Variants in NR6A1 observed in about 807,000 individuals in gnomAD.
The protein encoded by NR6A1 is retinoic acid receptor-related testis-associated receptor.
In NR6A1, 7 loss-of-function variants were observed where a neutral mutation model predicts 59.1. The ratio of observed to expected loss-of-function variants is 0.12; its 90% confidence interval spans 0.07 to 0.22. NR6A1 has a LOEUF of 0.22. Ranked by LOEUF, NR6A1 falls within the 10% of genes least tolerant of loss-of-function variation. The pLI is 1.00. For synonymous variants in NR6A1, 243 were observed against 236.1 expected, an observed-to-expected ratio of 1.03 and a Z score of -0.27; for missense variants, 468 against 611.6, an observed-to-expected ratio of 0.77 and a Z score of 2.48.
intron 7 of NR6A1, among the ~76,000 whole-genome samples, chr9:124,535,155 A>G (rs1833217734): frequency 2.0e-5 from 3 of 152,042 alleles, no homozygotes; most frequent in African/African-American, 7.2e-5. Context: ...TGCCTGGCAC[A>G]CTATAGGCAC....
chr9:124,636,111 T>C (rs548993248), intron 2 of NR6A1, among the ~76,000 whole-genome samples: 28 of 152,372 alleles, frequency 1.8e-4, no homozygotes, highest in African/African-American at 6.7e-4. Flanking sequence ...ACATATGACA[T>C]GGAGCATCTT....
At chr9:124,681,084 C>G (rs1046118136) in intron 2 of NR6A1, among the ~76,000 whole-genome samples, 4 of 152,134 alleles carry the variant, frequency 2.6e-5, no homozygotes, top group African/African-American at 7.2e-5. Context: ...TTAAAATATT[C>G]TGTGTGACAA....
chr9:124,748,684 C>T (rs753757605), intron 1 of NR6A1, among the ~76,000 whole-genome samples: 18 of 151,266 alleles, frequency 1.2e-4, no homozygotes, highest in Non-Finnish European at 2.4e-4. Context: ...CACGGTGAAA[C>T]CCCGTCTCTA....
intron 2 of NR6A1, among the ~76,000 whole-genome samples, chr9:124,570,561 C>G (rs1834409940): frequency 6.6e-6 from 1 of 152,202 alleles, no homozygotes; most frequent in African/African-American, 2.4e-5. Context: ...AGAAGACAGT[C>G]CTTAATTCCC....
At chr9:124,547,643 G>A (rs1833637089) in intron 3 of NR6A1, among the ~76,000 whole-genome samples, 1 of 152,022 alleles carries the variant, frequency 6.6e-6, no homozygotes, top group African/African-American at 2.4e-5. Flanking sequence ...TTGATATTAT[G>A]GTCTAAGAAG....
chr9:124,521,273 C>T lies in NR6A1; in HGVS notation c.*1432G>A. On this transcript the variant is annotated 3_prime_UTR_variant, in exon 10 of 10. Coordinates refer to ENST00000487099, the MANE Select transcript of NR6A1 (RefSeq NM_033334.4). ...GAACACGTCCTGGGATAAGGTGGGGCAGGTAGTGAGAGGTCAAGGAGTCCA... is the reference window on the plus strand; with the variant it reads ...GAACACGTCCTGGGATAAGGTGGGGTAGGTAGTGAGAGGTCAAGGAGTCCA... 1 of 152,780 alleles carries T rather than the reference C, an allele frequency of 6.5e-6. No individual in the cohort carries two copies. The highest frequency in any genetic ancestry group is 1.5e-5 in the Non-Finnish European group (1 of 68,404). The allele number at this position is 152,780 out of a possible 1,614,324, so 9.5% of individuals were successfully genotyped here. A position where few individuals can be genotyped will look rare whatever the true frequency, so the allele number is the denominator to read the frequency against.
intron 2 of NR6A1, chr9:124,599,173 T>A: frequency 1.8e-6 from 1 of 561,730 alleles, no homozygotes; most frequent in Non-Finnish European, 3.4e-6. Context: ...CCGGGGGCGG[T>A]GGCTCACTCC....
chr9:124,728,902 T>C (rs1246573649), intron 2 of NR6A1, among the ~76,000 whole-genome samples: 1 of 152,208 alleles, frequency 6.6e-6, no homozygotes, highest in Non-Finnish European at 1.5e-5. Flanking sequence ...TTACTCCACT[T>C]GTTATCCATC....
intron 2 of NR6A1, among the ~76,000 whole-genome samples, chr9:124,706,117 A>G (rs1839127541): frequency 6.6e-6 from 1 of 152,148 alleles, no homozygotes; most frequent in Non-Finnish European, 1.5e-5. Flanking sequence ...TTGTTTACTT[A>G]GTGGTTGCTC....
intron 2 of NR6A1, among the ~76,000 whole-genome samples, chr9:124,694,879 A>C (rs1382291441): frequency 6.6e-6 from 1 of 152,240 alleles, no homozygotes; most frequent in Non-Finnish European, 1.5e-5. Flanking sequence ...CAAAGCCAAA[A>C]GAAAAATCTA....
intron 6 of NR6A1, among the ~76,000 whole-genome samples, chr9:124,536,732 T>C (rs538284915): frequency 6.6e-6 from 1 of 152,244 alleles, no homozygotes; most frequent in East Asian, 1.9e-4. Flanking sequence ...TGTTCTCTAA[T>C]GTTCCATGTC....
At position 124,725,158 on chromosome 9, in the gene NR6A1, C is replaced by G. The variant is rs151016961; in HGVS notation, c.142+8150G>C. Among the ~76,000 whole-genome samples, 4 of 152,230 alleles carry G rather than the reference C, an allele frequency of 2.6e-5. No individual in the cohort carries two copies. The East Asian group carries it at 7.7e-4, about 29-fold the overall frequency. On this transcript the variant is annotated intron_variant, in intron 2 of 9. Transcript: ENST00000487099. ...GACAGGGGTTATTTGGAAACAGAAG[C>G]ACAGAAAGGTTATGCTGTTTTGAAC...
In NR6A1 at chr9:124,595,690, C is replaced by G. The variant is rs1835252329; in HGVS notation, c.143-41120G>C. On this transcript the variant is annotated intron_variant, in intron 2 of 9. Coordinates refer to ENST00000487099, the MANE Select transcript of NR6A1 (RefSeq NM_033334.4). ...CTCCCTTCTCCCTCAAGGCTATTTG[C>G]TCTAAACCTTCAAAGAAAATTTCTA... 5 of 884,690 alleles carry G rather than the reference C, an allele frequency of 5.7e-6. No homozygotes were observed. The Admixed American group carries it at 1.2e-4, about 21-fold the overall frequency. 54.8% of individuals were successfully genotyped at this position (884,690 alleles called of 1,614,324 possible). A position where few individuals can be genotyped will look rare whatever the true frequency, so the allele number is the denominator to read the frequency against.
intron 2 of NR6A1, among the ~76,000 whole-genome samples, chr9:124,617,952 T>C (rs1384916033): frequency 6.6e-6 from 1 of 152,138 alleles, no homozygotes; most frequent in African/African-American, 2.4e-5. Context: ...TGCCAAACCT[T>C]TATCAACTAG....
intron 2 of NR6A1, among the ~76,000 whole-genome samples, chr9:124,558,370 G>A (rs2131395681): frequency 6.6e-6 from 1 of 152,008 alleles, no homozygotes; most frequent in East Asian, 1.9e-4. Context: ...CTTACTGCCT[G>A]CCATGTTCTG....
intron 2 of NR6A1, among the ~76,000 whole-genome samples, chr9:124,609,535 G>A (rs1162042503): frequency 6.6e-6 from 1 of 152,148 alleles, no homozygotes; most frequent in Non-Finnish European, 1.5e-5. Context: ...TTTGAAGTCA[G>A]GTAGCCTGAT....
chr9:124,633,005 GAAAC>G (rs1836491451), intron 2 of NR6A1, among the ~76,000 whole-genome samples: 1 of 152,148 alleles, frequency 6.6e-6, no homozygotes, highest in African/African-American at 2.4e-5. Flanking sequence ...GAAAAGAAAA[GAAAC>G]AACCTTTTAC....
chr9:124,622,316 C>T (rs1032593076), intron 2 of NR6A1, among the ~76,000 whole-genome samples: 2 of 152,186 alleles, frequency 1.3e-5, no homozygotes, highest in Non-Finnish European at 2.9e-5. Context: ...TGTGTAATAT[C>T]CCATGTCCTT....
intron 1 of NR6A1, among the ~76,000 whole-genome samples, chr9:124,763,142 G>A (rs1290495491): frequency 6.6e-6 from 1 of 152,164 alleles, no homozygotes; most frequent in Non-Finnish European, 1.5e-5. Flanking sequence ...AGAAGTGCTT[G>A]GCATGTACTT....
Sources: allele counts gnomAD v4.1 joint callset (sites outside exome capture counted in the v4.1 genomes callset), GRCh38; gene constraint gnomAD v4.1.1; transcripts MANE v1.5; gene names NCBI Gene and HGNC (gene_info 2026-07-23, HGNC 2026-07-21).